Variants in NBPF20 observed in about 807,000 individuals in gnomAD.
NBPF20 encodes NBPF member 20, also known as NBPF family member NBPF20.
NBPF20 carries 90 observed loss-of-function variants against 68.1 expected under a neutral mutation model. That is an observed-to-expected ratio of 1.32 (90% confidence interval 1.11 to 1.58). The LOEUF is 1.58. Among genes scored for constraint, NBPF20 ranks in the 40% most tolerant of loss-of-function variants. The probability of loss-of-function intolerance (pLI) is 0.00; values close to 1 mark genes in which losing one functional copy is unlikely to be tolerated. For missense variants in NBPF20, 816 were observed against 601.2 expected (o/e 1.36, Z -3.74); for synonymous variants, 290 against 228.1 (o/e 1.27, Z -2.45).
chr1:145,392,793 G>C (rs1336680183), intron 10 of NBPF20, among the ~76,000 whole-genome samples: 2 of 93,482 alleles, frequency 2.1e-5, no homozygotes, highest in African/African-American at 6.9e-5. Flanking sequence ...GACAAAATCA[G>C]AGTTGTGTGA....
At chr1:145,408,689 T>A (rs1161333566), upstream of NBPF20, among the ~76,000 whole-genome samples, 1 of 151,946 alleles carries the variant, frequency 6.6e-6, no homozygotes, top group Non-Finnish European at 1.5e-5. Context: ...ATTGTGTTGA[T>A]GTAATATGCT....
chr1:145,307,173 C>T (rs1661422370), intron 118 of NBPF20, among the ~76,000 whole-genome samples: 2 of 30,836 alleles, frequency 6.5e-5, no homozygotes, highest in Admixed American at 6.2e-4. Flanking sequence ...AGGAAATCTA[C>T]AAACCCTTCA....
intron 7 of NBPF20, among the ~76,000 whole-genome samples, chr1:145,397,904 T>C (rs1300650233): frequency 2.0e-5 from 3 of 151,438 alleles, no homozygotes; most frequent in Admixed American, 2.0e-4. Flanking sequence ...ACCAAGCAAA[T>C]GGAAAACAAA....
chr1:145,397,497 T>G (rs1214560907), intron 7 of NBPF20, among the ~76,000 whole-genome samples: 2 of 152,148 alleles, frequency 1.3e-5, no homozygotes, highest in Admixed American at 6.6e-5. Flanking sequence ...GCTTCATAAG[T>G]GAAGGAGAAA....
chr1:145,411,465 C>T, the NBPF20 span, among the ~76,000 whole-genome samples: 1 of 110,890 alleles, frequency 9.0e-6, no homozygotes, highest in African/African-American at 3.5e-5. Context: ...GATCTCGGCT[C>T]ACTGTAACCT....
chr1:145,341,323 G>A (rs1356259751), intron 75 of NBPF20, among the ~76,000 whole-genome samples: 1 of 10,496 alleles, frequency 9.5e-5, no homozygotes, highest in Non-Finnish European at 2.8e-4. Context: ...CTCAAAATTC[G>A]ATGCAGTGGC....
intron 83 of NBPF20, among the ~76,000 whole-genome samples, chr1:145,334,927 A>G (rs1346637979): frequency 1.6e-5 from 2 of 126,892 alleles, no homozygotes; most frequent in African/African-American, 5.3e-5. Flanking sequence ...ACTCTGAGTT[A>G]GTGCCCTCGG....
Position 145,292,166 on chromosome 1 carries a change from T to C in NBPF20, c.16697+215A>G, listed in dbSNP as rs1414343168. Among the ~76,000 whole-genome samples the C allele has an allele frequency of 2.0e-5, 3 of 149,978 alleles. 1 individual carries two copies. The highest frequency in any genetic ancestry group is 4.2e-4 in the South Asian group (2 of 4,814). Reference sequence around the variant, plus strand: ...ATGCAGTGGCCATGAGAGTACAGCTTTTGAAGTATGGTCAACCTATGGCAC... The same window carrying C: ...ATGCAGTGGCCATGAGAGTACAGCTCTTGAAGTATGGTCAACCTATGGCAC... On this transcript the variant is annotated intron_variant, in intron 137 of 137. Coordinates refer to ENST00000369373, the Ensembl canonical transcript of NBPF20.
upstream of NBPF20, chr1:145,407,974 T>C (rs1236128212): frequency 5.7e-6 from 1 of 175,544 alleles, no homozygotes; most frequent in Non-Finnish European, 1.3e-5. Context: ...ACTGTGGTCC[T>C]GGACTCACTG....
chr1:145,312,055 G>A (rs1307152608), intron 112 of NBPF20, among the ~76,000 whole-genome samples, 153 bp downstream of exon 117: 2 of 37,826 alleles, frequency 5.3e-5, no homozygotes, highest in Non-Finnish European at 8.3e-5. Context: ...GGGCTTCCAA[G>A]TGGAACTAGA....
intron 129 of NBPF20, among the ~76,000 whole-genome samples, chr1:145,298,377 C>A (rs1449158903): frequency 1.5e-4 from 22 of 144,190 alleles, no homozygotes; most frequent in Admixed American, 1.5e-3. Context: ...CACAGACACA[C>A]ACACACACAC....
rs1427823304 is a variant in NBPF20 at position 145,393,854 on chromosome 1, A to G, written c.1043+30T>C. ...TTGGCATCTCCAGGTGTCAACATCA[A>G]ATTAACTCTCCACAATTTCTCAGAC... is the stretch of plus-strand genomic sequence containing the variant. On this transcript the variant is annotated intron_variant, in intron 9 of 137. Coordinates refer to ENST00000369373, the Ensembl canonical transcript of NBPF20. 1.9e-4 allele frequency: 290 copies of G among 1,531,702 alleles called. 1 individual carries two copies. Among genetic ancestry groups the G allele is most frequent in the Non-Finnish European group, 2.4e-4 (272 of 1,118,476 alleles). 94.9% of individuals were successfully genotyped at this position (1,531,702 alleles called of 1,614,324 possible).
chr1:145,394,164 A>G (rs1450715917), intron 8 of NBPF20, among the ~76,000 whole-genome samples: 2 of 152,074 alleles, frequency 1.3e-5, no homozygotes, highest in African/African-American at 2.4e-5. Flanking sequence ...TATCTTCCCT[A>G]TGTGCTCTGT....
At chr1:145,410,793 T>C in the NBPF20 span, among the ~76,000 whole-genome samples, 1 of 110,066 alleles carries the variant, frequency 9.1e-6, no homozygotes, top group African/African-American at 3.7e-5. Context: ...CACACATATA[T>C]ATACGTATAT....
At chr1:145,407,386 A>T (rs1662837921), upstream of NBPF20, among the ~76,000 whole-genome samples, 1 of 145,374 alleles carries the variant, frequency 6.9e-6, no homozygotes, top group Non-Finnish European at 1.5e-5. Flanking sequence ...TATAATATAT[A>T]TACACGTGTA....
chr1:145,410,745 T>C, the NBPF20 span, among the ~76,000 whole-genome samples: 5 of 143,336 alleles, frequency 3.5e-5, no homozygotes, highest in African/African-American at 5.1e-5. Flanking sequence ...TGTGTATATA[T>C]ATATACATAT....
intron 75 of NBPF20, 139 bp from the exon 81 acceptor site, chr1:145,341,078 C>A (rs1661607854): frequency 2.2e-4 from 84 of 384,410 alleles, no homozygotes; most frequent in South Asian, 1.7e-3. Context: ...AAATTATTGC[C>A]TTTATGTTGG....
intron 6 of NBPF20, among the ~76,000 whole-genome samples, chr1:145,399,973 A>G (rs1662437391): frequency 6.6e-6 from 1 of 152,108 alleles, no homozygotes; most frequent in Non-Finnish European, 1.5e-5. Flanking sequence ...TCCAGATGAA[A>G]GCTGAGAGCA....
At chr1:145,404,849 C>G (rs1439331519) in intron 2 of NBPF20, among the ~76,000 whole-genome samples, 1 of 150,516 alleles carries the variant, frequency 6.6e-6, no homozygotes, top group Non-Finnish European at 1.5e-5. Context: ...ACAGGTCGTT[C>G]TGTGCCTGTG....
Sources: allele counts gnomAD v4.1 joint callset (sites outside exome capture counted in the v4.1 genomes callset), GRCh38; gene constraint gnomAD v4.1.1; transcripts MANE v1.5; gene names NCBI Gene and HGNC (gene_info 2026-07-23, HGNC 2026-07-21).